HS6ST3: variants seen among roughly 807,000 people sequenced by gnomAD.
HS6ST3 encodes heparan sulfate 6-O-sulfotransferase 3, also known as heparan-sulfate 6-O-sulfotransferase 3.
In HS6ST3, 12 loss-of-function variants were observed where a neutral mutation model predicts 36.7. That is an observed-to-expected ratio of 0.33 (90% CI 0.21 to 0.53). The LOEUF (loss-of-function observed/expected upper bound fraction) is 0.53, where lower values mean the gene tolerates loss of function less well. Ranked by LOEUF, HS6ST3 falls within the 20% of genes least tolerant of loss-of-function variation. The pLI is 0.95. For missense variants in HS6ST3, 584 were observed against 640.9 expected (o/e 0.91, Z 0.96); for synonymous variants, 240 against 257.5 (o/e 0.93, Z 0.65).
In HS6ST3 at chr13:96,282,898, A is replaced by C. The variant is rs1471953391; in HGVS notation, c.707+191329A>C. Among the ~76,000 whole-genome samples the C allele has an allele frequency of 2.0e-5, 3 of 152,270 alleles. No individual in the cohort carries two copies. In the East Asian group the frequency reaches 5.8e-4, roughly 29 times the overall value. On this transcript the variant is annotated intron_variant, in intron 1 of 1. Coordinates refer to ENST00000376705, the MANE Select transcript of HS6ST3 (RefSeq NM_153456.4). ...GTTGTGATCATGAATTTTTAAAATCAGTTATTGTTTAATGTAAAATAGCAA... is the reference window on the plus strand; with the variant it reads ...GTTGTGATCATGAATTTTTAAAATCCGTTATTGTTTAATGTAAAATAGCAA...
At chr13:96,203,860 A>G (rs2054355732) in intron 1 of HS6ST3, among the ~76,000 whole-genome samples, 2 of 152,230 alleles carry the variant, frequency 1.3e-5, no homozygotes, top group Non-Finnish European at 2.9e-5. Context: ...TATAAAAGAA[A>G]TGAAATGTCA....
chr13:96,713,244 T>C (rs557378187), intron 1 of HS6ST3, among the ~76,000 whole-genome samples: 1 of 152,342 alleles, frequency 6.6e-6, no homozygotes, highest in African/African-American at 2.4e-5. Flanking sequence ...ATTCTACATC[T>C]TTCAAAACCA....
chr13:96,676,310 T>C (rs1444032716), intron 1 of HS6ST3, among the ~76,000 whole-genome samples: 2 of 152,098 alleles, frequency 1.3e-5, no homozygotes, highest in Admixed American at 1.3e-4. Context: ...CCTCTTCTTA[T>C]AATGAGATAC....
At chr13:96,346,355 A>G (rs2139428597) in intron 1 of HS6ST3, among the ~76,000 whole-genome samples, 1 of 152,232 alleles carries the variant, frequency 6.6e-6, no homozygotes. Flanking sequence ...TGGGCGGATC[A>G]TGAGATCAGG....
intron 1 of HS6ST3, among the ~76,000 whole-genome samples, chr13:96,523,919 C>T (rs2056103745): frequency 6.6e-6 from 1 of 152,068 alleles, no homozygotes; most frequent in Non-Finnish European, 1.5e-5. Flanking sequence ...GAGTTGTGTT[C>T]CTTTGGAGGT....
chr13:96,350,986 A>T (rs2055178838), intron 1 of HS6ST3, among the ~76,000 whole-genome samples: 1 of 152,164 alleles, frequency 6.6e-6, no homozygotes, highest in Admixed American at 6.6e-5. Flanking sequence ...ATTTGGGAAG[A>T]CTTTTTTCCC....
intron 1 of HS6ST3, among the ~76,000 whole-genome samples, chr13:96,610,212 G>A (rs748855627): frequency 2.0e-5 from 3 of 152,180 alleles, no homozygotes; most frequent in Non-Finnish European, 4.4e-5. Flanking sequence ...GGTAGAATTA[G>A]CTACCCTTCT....
chr13:96,236,778 C>T (rs1431484066), intron 1 of HS6ST3, among the ~76,000 whole-genome samples: 2 of 152,170 alleles, frequency 1.3e-5, no homozygotes, highest in African/African-American at 4.8e-5. Context: ...GGCTCAATTT[C>T]CCACTTCCTG....
chr13:96,304,613 AAG>A (rs954720858), intron 1 of HS6ST3, among the ~76,000 whole-genome samples: 5 of 151,936 alleles, frequency 3.3e-5, no homozygotes, highest in African/African-American at 1.2e-4. Context: ...AGGAAGAAGA[AAG>A]AGAATAACAT....
intron 1 of HS6ST3, among the ~76,000 whole-genome samples, chr13:96,784,140 G>A (rs550119453): frequency 2.6e-5 from 4 of 151,064 alleles, no homozygotes; most frequent in Non-Finnish European, 4.4e-5. Context: ...AATAAGTTGC[G>A]TGTTTATTTG....
At position 96,694,950 on chromosome 13, in the gene HS6ST3, G is replaced by A. The variant is rs571855237; in HGVS notation, c.708-137540G>A. Among the ~76,000 whole-genome samples, 547 of 152,158 alleles carry A rather than the reference G, an allele frequency of 3.6e-3. 4 individuals carry two copies. Among genetic ancestry groups the A allele is most frequent in the African/African-American group, 0.012 (499 of 41,536 alleles). On this transcript the variant is annotated intron_variant, in intron 1 of 1. Coordinates refer to ENST00000376705, the MANE Select transcript of HS6ST3 (RefSeq NM_153456.4). ...CAGCGACATAGACAACTAGAAACTC[G>A]GTCAAAACTGTCTTTAAAAAACTTT...
chr13:96,745,305 A>G (rs1484826359), intron 1 of HS6ST3, among the ~76,000 whole-genome samples: 6 of 152,106 alleles, frequency 3.9e-5, no homozygotes, highest in African/African-American at 1.4e-4. Context: ...TTCCCAAACT[A>G]TGGAGGAATT....
chr13:96,622,325 G>T (rs1471105834), intron 1 of HS6ST3, among the ~76,000 whole-genome samples: 1 of 152,148 alleles, frequency 6.6e-6, no homozygotes. Flanking sequence ...CTTTTTAGCT[G>T]TGGTAACTAC....
intron 1 of HS6ST3, among the ~76,000 whole-genome samples, chr13:96,374,585 A>G (rs545526216): frequency 2.0e-5 from 3 of 152,044 alleles, no homozygotes; most frequent in Admixed American, 6.6e-5. Context: ...TTTCATTTCC[A>G]TCTTCTGCAA....
chr13:96,491,543 A>C lies in HS6ST3; in HGVS notation c.708-340947A>C, dbSNP rs563932987. Among the ~76,000 whole-genome samples, 23 of 151,270 alleles carry C rather than the reference A, an allele frequency of 1.5e-4. 1 individual carries two copies. In the South Asian group the frequency reaches 4.8e-3, roughly 32 times the overall value. On this transcript the variant is annotated intron_variant, in intron 1 of 1. Transcript: ENST00000376705. ...ATGGGACTTTGAGAGGAGTGTGGTGAAAATGGGGGTTCCCAGTTGTCTGCT... is the reference window on the plus strand; with the variant it reads ...ATGGGACTTTGAGAGGAGTGTGGTGCAAATGGGGGTTCCCAGTTGTCTGCT...
At chr13:96,306,014 C>T (rs982442861) in intron 1 of HS6ST3, among the ~76,000 whole-genome samples, 2 of 151,732 alleles carry the variant, frequency 1.3e-5, no homozygotes, top group Non-Finnish European at 2.9e-5. Flanking sequence ...TCACTGCAAC[C>T]TCTGCCTCCC....
chr13:96,450,877 G>T (rs926636784), intron 1 of HS6ST3, among the ~76,000 whole-genome samples: 3 of 152,084 alleles, frequency 2.0e-5, no homozygotes, highest in African/African-American at 7.2e-5. Context: ...AAATATGCTG[G>T]TGTTAGACAA....
chr13:96,547,117 G>A (rs988918375), intron 1 of HS6ST3, among the ~76,000 whole-genome samples: 1 of 152,186 alleles, frequency 6.6e-6, no homozygotes, highest in African/African-American at 2.4e-5. Flanking sequence ...GTAAGTTGGT[G>A]AAAGCTAATA....
At chr13:96,529,248 G>A (rs952887024) in intron 1 of HS6ST3, among the ~76,000 whole-genome samples, 3 of 152,038 alleles carry the variant, frequency 2.0e-5, no homozygotes, top group African/African-American at 7.2e-5. Flanking sequence ...TAAGCATAGG[G>A]TATGACAAAT....
Sources: allele counts gnomAD v4.1 joint callset (sites outside exome capture counted in the v4.1 genomes callset), GRCh38; gene constraint gnomAD v4.1.1; transcripts MANE v1.5; gene names NCBI Gene and HGNC (gene_info 2026-07-23, HGNC 2026-07-21).